EIF2AK4: variants seen among roughly 807,000 people sequenced by gnomAD.
The protein encoded by EIF2AK4 is eIF-2-alpha kinase GCN2.
Under a neutral mutation model 211.1 loss-of-function variants are expected in EIF2AK4, and 139 were observed. The observed-to-expected ratio is 0.66, with a 90% confidence interval of 0.57 to 0.76. The LOEUF is 0.76. EIF2AK4 is among the 30% of genes least tolerant of loss of function. The pLI is 0.00. For synonymous variants in EIF2AK4, 710 were observed against 751.3 expected, an observed-to-expected ratio of 0.94 and a Z score of 0.90; for missense variants, 1,664 against 2,043.8, an observed-to-expected ratio of 0.81 and a Z score of 3.58.
chr15:39,943,131 A>T (rs1305512983), intron 2 of EIF2AK4, among the ~76,000 whole-genome samples: 4 of 152,178 alleles, frequency 2.6e-5, no homozygotes, highest in African/African-American at 9.7e-5. Flanking sequence ...TCAGATTGTA[A>T]AGCTGAAATT....
rs186768938 is a variant in EIF2AK4, at chr15:39,953,935, G to A, written c.545G>A (p.Arg182Lys). The stretch of plus-strand genomic sequence containing the variant: ...GAAATCCTGCATGAGATTCAGAGAA[G>A]GAAAGAAGAGATAAAAGAAGAGAAA... ...QREILHEIQR[R>K]KEEIKEEKKR... The change falls in exon 5 of 39, where the codon AGG becomes AAG. Residue 182 changes from arginine (R) to lysine (K), a missense_variant. Arg to Lys is a conservative substitution (Grantham distance 26). Transcript: ENST00000263791. 1.2e-3 allele frequency: 1,869 copies of A among 1,609,840 alleles called. 3 individuals are homozygous for A. The highest frequency in any genetic ancestry group is 1.4e-3 in the Non-Finnish European group (1,689 of 1,178,908).
chr15:39,942,740 G>A (rs987106128), intron 2 of EIF2AK4, among the ~76,000 whole-genome samples: 3 of 152,202 alleles, frequency 2.0e-5, no homozygotes, highest in Non-Finnish European at 2.9e-5. Context: ...ATGACTAGAT[G>A]TATTTATACA....
chr15:39,942,043 T>G (rs1595540414), intron 2 of EIF2AK4, among the ~76,000 whole-genome samples: 1 of 152,360 alleles, frequency 6.6e-6, no homozygotes, highest in East Asian at 1.9e-4. Flanking sequence ...CATTAGAATT[T>G]TTTTTGAAGT....
At chr15:39,994,762 T>TGGTGAG (rs2034997091) in intron 18 of EIF2AK4, among the ~76,000 whole-genome samples, 1 of 152,138 alleles carries the variant, frequency 6.6e-6, no homozygotes. Context: ...TCTAAGTACC[T>TGGTGAG]GGTGAGGGTG....
At chr15:40,002,855 G>T in intron 22 of EIF2AK4, 67 bp downstream of exon 22, 1 of 1,534,244 alleles carries the variant, frequency 6.5e-7, no homozygotes, top group South Asian at 1.1e-5. Flanking sequence ...AGAAAGTACT[G>T]TTAGTGTTCG....
At chr15:39,942,969 A>G (rs754447029) in intron 2 of EIF2AK4, among the ~76,000 whole-genome samples, 7 of 152,100 alleles carry the variant, frequency 4.6e-5, no homozygotes, top group Non-Finnish European at 1.0e-4. Flanking sequence ...GTAGAGAATT[A>G]CCATACAAAG....
intron 1 of EIF2AK4, among the ~76,000 whole-genome samples, chr15:39,939,126 GCACTCATCACTATTTGAAAT>G (rs2034108513): frequency 6.6e-6 from 1 of 152,076 alleles, no homozygotes; most frequent in African/African-American, 2.4e-5. Flanking sequence ...TTTCTTTACA[GCACTCATCACTATTTGAAAT>G]CACTCGTCTT....
At chr15:39,957,959 C>G (rs189189213) in intron 6 of EIF2AK4, among the ~76,000 whole-genome samples, 2 of 152,294 alleles carry the variant, frequency 1.3e-5, no homozygotes, top group East Asian at 3.9e-4. Flanking sequence ...AACGTAAAGG[C>G]CTGATACTCA....
Position 39,982,538 on chromosome 15 carries a change from TTTTTC to T in EIF2AK4, c.2320-3252_2320-3248del, listed in dbSNP as rs201346526. 2.3e-3 allele frequency among the ~76,000 whole-genome samples: 353 copies of T among 152,244 alleles called. 5 individuals carry two copies. Among genetic ancestry groups the T allele is most frequent in the Admixed American group, 0.016 (251 of 15,288 alleles). On this transcript the variant is annotated intron_variant, in intron 13 of 38. Coordinates refer to ENST00000263791, the MANE Select transcript of EIF2AK4 (RefSeq NM_001013703.4). ...AATTCTGTGAGCTTCTTTTTTTTCC[TTTTTC>T]TTTTCTTTTCTTTTTTTAATTACAC...
intron 37 of EIF2AK4, among the ~76,000 whole-genome samples, chr15:40,034,045 A>G (rs2035580104): frequency 6.6e-6 from 1 of 151,960 alleles, no homozygotes; most frequent in Admixed American, 6.6e-5. Context: ...AAAAAAAAAA[A>G]AAGTAAACGG....
intron 31 of EIF2AK4, among the ~76,000 whole-genome samples, chr15:40,021,270 A>G (rs547201473): frequency 4.6e-5 from 7 of 152,330 alleles, no homozygotes; most frequent in African/African-American, 1.7e-4. Context: ...TAAATTCAAC[A>G]GGGCTGGCTC....
At position 40,002,717 on chromosome 15, in the gene EIF2AK4, ACT is replaced by A; in HGVS notation, c.3165_3166del (p.Phe1056LeufsTer13). 1 of 1,614,206 alleles carries A rather than the reference ACT, an allele frequency of 6.2e-7. No homozygotes were observed. The highest frequency in any genetic ancestry group is 8.5e-7 in the Non-Finnish European group (1 of 1,180,014). ...TTTTAATCGGTCCTGTTTTAGGGCA[ACT>A]TCTCAATCCGTACAGCCAAGATGCA... On this transcript the variant is annotated frameshift_variant, in exon 22 of 39. Coordinates refer to ENST00000263791, the MANE Select transcript of EIF2AK4 (RefSeq NM_001013703.4). LOFTEE classifies it high-confidence loss of function.
At chr15:40,010,031 A>C (rs1202188785) in intron 26 of EIF2AK4, among the ~76,000 whole-genome samples, 5 of 151,496 alleles carry the variant, frequency 3.3e-5, no homozygotes, top group Non-Finnish European at 5.9e-5. Context: ...TCAGATAGTA[A>C]AGTTATTCAC....
At chr15:40,003,721 C>T (rs2035123368) in intron 23 of EIF2AK4, among the ~76,000 whole-genome samples, 1 of 152,230 alleles carries the variant, frequency 6.6e-6, no homozygotes, top group East Asian at 1.9e-4. Context: ...CTTCTAACAG[C>T]AAGTGTCTCT....
chr15:39,996,247 C>T (rs905591304), intron 18 of EIF2AK4, among the ~76,000 whole-genome samples: 5 of 152,200 alleles, frequency 3.3e-5, no homozygotes, highest in South Asian at 2.1e-4. Context: ...TTCTATCAGC[C>T]GCAGATTTTG....
In EIF2AK4 at chr15:39,978,220, A is replaced by G. The variant is rs138267305; in HGVS notation, c.2319+73A>G. 2,480 of 834,030 alleles carry G rather than the reference A, an allele frequency of 3.0e-3. 45 individuals are homozygous for G. In the African/African-American group the frequency reaches 0.038, roughly 13 times the overall value. The allele number at this position is 834,030 out of a possible 1,614,324, so 51.7% of individuals were successfully genotyped here. A position where few individuals can be genotyped will look rare whatever the true frequency, so the allele number is the denominator to read the frequency against. ...ACGTCTGATGTCATAAACCTTAGGT[A>G]AAGTATTAAGGCTTTAATCTGATAT... On this transcript the variant is annotated intron_variant, in intron 13 of 38. Transcript: ENST00000263791.
At chr15:40,032,678 G>C in intron 36 of EIF2AK4, 79 bp from the exon 37 acceptor site, 1 of 1,344,986 alleles carries the variant, frequency 7.4e-7, no homozygotes, top group Non-Finnish European at 1.1e-6. Context: ...TATTCATACT[G>C]CTGCATTTCA....
rs1276969780 is a variant in EIF2AK4, at chr15:40,025,970, T to G, written c.4390-7T>G. ...CCAAATGATAGATCCGTTTCATTCTTTTTAAGGTTAAGTCTTTCGAGAAGG... is the reference window on the plus strand; with the variant it reads ...CCAAATGATAGATCCGTTTCATTCTGTTTAAGGTTAAGTCTTTCGAGAAGG... On this transcript the variant is annotated splice_region_variant and splice_polypyrimidine_tract_variant and intron_variant, in intron 32 of 38. Coordinates refer to ENST00000263791, the MANE Select transcript of EIF2AK4 (RefSeq NM_001013703.4). 6.2e-7 allele frequency: 1 copy of G among 1,613,586 alleles called. No homozygotes were observed. Among genetic ancestry groups the G allele is most frequent in the Admixed American group, 1.7e-5 (1 of 59,968 alleles).
Position 39,967,651 on chromosome 15 carries a change from C to A in EIF2AK4, c.1325C>A (p.Thr442Lys). The A allele has an allele frequency of 1.2e-6, 2 of 1,614,152 alleles. No homozygotes were observed. Among genetic ancestry groups the A allele is most frequent in the South Asian group, 2.2e-5 (2 of 91,070 alleles). ...GATGCAGAAGGCACCGTCAAGATTA[C>A]GGACTATAGCATTTCTAAGCGCCTC... ...LVDAEGTVKI[T>K]DYSISKRLAD... Residue 442 changes from threonine (T) to lysine (K), a missense_variant, in exon 9 of 39, where the codon ACG becomes AAG. By Grantham distance (78) the Thr-to-Lys change is moderately conservative. Around this residue, in one of 7 missense-constraint regions of EIF2AK4, gnomAD observed 641 missense variants for 729.6 expected, o/e 0.88. Coordinates refer to ENST00000263791, the MANE Select transcript of EIF2AK4 (RefSeq NM_001013703.4).
Sources: gnomAD v4.1 joint callset for allele counts (sites outside exome capture counted in the v4.1 genomes callset) on GRCh38, gnomAD v4.1.1 for gene constraint, gnomAD v4.1.1 regional missense constraint, MANE v1.5 for transcripts, NCBI Gene and HGNC (gene_info 2026-07-23, HGNC 2026-07-21) for gene names.